Variants in CLCN5 observed in about 807,000 individuals in gnomAD.
The protein encoded by CLCN5 is Cl-/H+ antiporter 5, also known as H(+)/Cl(-) exchange transporter 5.
A neutral mutation model predicts 54.0 loss-of-function variants in CLCN5; 17 were observed. The observed-to-expected ratio is 0.31, with a 90% CI of 0.22 to 0.47. The LOEUF (loss-of-function observed/expected upper bound fraction) is 0.47, where lower values mean the gene tolerates loss of function less well. CLCN5 is among the 20% of genes least tolerant of loss of function. The pLI is 1.00. For synonymous variants in CLCN5, 222 were observed against 233.0 expected (o/e 0.95, Z 0.43); for missense variants, 448 against 646.7 (o/e 0.69, Z 3.33).
intron 3 of CLCN5, among the ~76,000 whole-genome samples, chrX:49,972,016 A>C (rs2147326957): frequency 9.0e-6 from 1 of 111,100 alleles, no homozygotes; most frequent in African/African-American, 3.3e-5. Flanking sequence ...AATTTGCCCA[A>C]AAAAGTACAA....
At position 50,094,137 on chromosome X, in the gene CLCN5, T is replaced by G. The variant is rs1343536639; in HGVS notation, c.*1918T>G. On this transcript the variant is annotated 3_prime_UTR_variant, in exon 15 of 15. Coordinates refer to ENST00000376091, the MANE Select transcript of CLCN5 (RefSeq NM_001127898.4). Reference sequence around the variant, plus strand: ...GTCTTTCCAAAATCTGAAATTCTTTTTTTTGCTCAGAACTGGGTAGCCAAG... The same window carrying G: ...GTCTTTCCAAAATCTGAAATTCTTTGTTTTGCTCAGAACTGGGTAGCCAAG... The G allele has an allele frequency of 1.8e-5, 2 of 112,155 alleles. No homozygotes were observed. The highest frequency in any genetic ancestry group is 6.5e-5 in the African/African-American group (2 of 30,874). 9.2% of individuals were successfully genotyped at this position (112,155 alleles called of 1,213,427 possible). A position where few individuals can be genotyped will look rare whatever the true frequency, so the allele number is the denominator to read the frequency against.
At chrX:50,046,095 G>A (rs1386825178) in intron 4 of CLCN5, among the ~76,000 whole-genome samples, 4 of 112,341 alleles carry the variant, frequency 3.6e-5, no homozygotes, top group Non-Finnish European at 7.5e-5. Flanking sequence ...CTGAGGTAGT[G>A]TTATAGTAGT....
At position 50,027,751 on chromosome X, in the gene CLCN5, T is replaced by C. The variant is rs1931488450; in HGVS notation, c.17-14565T>C. ...TTTTTTTTTTTTTTGTCCTTTAGTA[T>C]ACCTTGTATTTTTTTGTTGAAAGCT... On this transcript the variant is annotated intron_variant, in intron 3 of 14. Transcript: ENST00000376091. Among the ~76,000 whole-genome samples, 2 of 108,575 alleles carry C rather than the reference T, an allele frequency of 1.8e-5. 1 individual carries two copies. The highest frequency in any genetic ancestry group is 6.8e-5 in the African/African-American group (2 of 29,425). The allele number at this position is 108,575 out of a possible 115,157, so 94.3% of individuals were successfully genotyped here. A position where few individuals can be genotyped will look rare whatever the true frequency, so the allele number is the denominator to read the frequency against.
At chrX:50,034,257 G>T (rs1341242219) in intron 3 of CLCN5, among the ~76,000 whole-genome samples, 2 of 112,306 alleles carry the variant, frequency 1.8e-5, no homozygotes, top group African/African-American at 6.5e-5. Flanking sequence ...TCCTTGAGTA[G>T]CTCAAAGTAT....
At chrX:49,925,728 A>C (rs1557167925) in intron 3 of CLCN5, among the ~76,000 whole-genome samples, 1 of 112,100 alleles carries the variant, frequency 8.9e-6, no homozygotes, top group Non-Finnish European at 1.9e-5. Context: ...TCCCAATAAA[A>C]ACTTTGTGAT....
chrX:50,034,258 C>G (rs1931882190), intron 3 of CLCN5, among the ~76,000 whole-genome samples: 1 of 112,286 alleles, frequency 8.9e-6, no homozygotes, highest in Non-Finnish European at 1.9e-5. Flanking sequence ...CCTTGAGTAG[C>G]TCAAAGTATA....
chrX:50,002,689 G>C (rs112258907), intron 3 of CLCN5, among the ~76,000 whole-genome samples: 26 of 107,945 alleles, frequency 2.4e-4, no homozygotes, highest in Admixed American at 5.0e-4. Flanking sequence ...CTCTGTGTGT[G>C]TGTGTGTGTG....
At chrX:49,946,984 A>G (rs1387372986) in intron 3 of CLCN5, among the ~76,000 whole-genome samples, 3 of 109,485 alleles carry the variant, frequency 2.7e-5, no homozygotes, top group South Asian at 8.2e-4. Flanking sequence ...ATGTGCCACC[A>G]TGTGATTTTG....
chrX:49,970,023 T>G (rs782606483), intron 3 of CLCN5, among the ~76,000 whole-genome samples: 2 of 111,590 alleles, frequency 1.8e-5, no homozygotes, highest in East Asian at 5.6e-4. Flanking sequence ...ATGGTAACAG[T>G]CTTTGGTCTA....
chrX:49,993,179 C>G (rs1929347928), intron 3 of CLCN5, among the ~76,000 whole-genome samples: 1 of 111,567 alleles, frequency 9.0e-6, no homozygotes. Flanking sequence ...CCTTCTCCAC[C>G]ACCAAGGTCA....
intron 3 of CLCN5, among the ~76,000 whole-genome samples, chrX:49,975,309 T>C (rs1234210319): frequency 9.0e-6 from 1 of 111,567 alleles, no homozygotes; most frequent in African/African-American, 3.3e-5. Context: ...CTGAGGCTAG[T>C]AGAAAGAAAA....
intron 4 of CLCN5, among the ~76,000 whole-genome samples, chrX:50,052,322 C>T (rs935970541): frequency 1.1e-4 from 12 of 111,923 alleles, no homozygotes; most frequent in Non-Finnish European, 2.1e-4. Context: ...TATTGTTATG[C>T]TAGATTACAT....
chrX:50,050,324 AT>A (rs1482922840), intron 4 of CLCN5: 1 of 111,983 alleles, frequency 8.9e-6, no homozygotes, highest in Admixed American at 9.4e-5. Context: ...TGGCTATACC[AT>A]TTTGCATTCC....
At chrX:49,992,369 A>G (rs1160010453) in intron 3 of CLCN5, among the ~76,000 whole-genome samples, 1 of 109,860 alleles carries the variant, frequency 9.1e-6, no homozygotes, top group African/African-American at 3.3e-5. Context: ...CAACTCTCAT[A>G]AAGTACCCAT....
chrX:49,929,615 G>A (rs782548642), intron 3 of CLCN5, among the ~76,000 whole-genome samples: 1 of 111,216 alleles, frequency 9.0e-6, no homozygotes, highest in Admixed American at 9.6e-5. Flanking sequence ...AATTTAGAAG[G>A]GTTAATATAA....
At chrX:49,952,775 T>G (rs1309873764) in intron 3 of CLCN5, among the ~76,000 whole-genome samples, 6 of 112,087 alleles carry the variant, frequency 5.4e-5, no homozygotes, top group African/African-American at 1.9e-4. Flanking sequence ...TAACCAGTTT[T>G]AAAAATTAGA....
chrX:49,928,703 A>T (rs978678308), intron 3 of CLCN5, among the ~76,000 whole-genome samples: 10 of 111,625 alleles, frequency 9.0e-5, no homozygotes, highest in Non-Finnish European at 1.7e-4. Context: ...AGGCGGGCGG[A>T]TCACGAGGTC....
chrX:49,958,424 T>G (rs1927438176), intron 3 of CLCN5, among the ~76,000 whole-genome samples: 1 of 111,806 alleles, frequency 8.9e-6, no homozygotes, highest in Non-Finnish European at 1.9e-5. Context: ...CTTCAGTGAC[T>G]TACTGAAACT....
At chrX:50,081,909 G>T in intron 9 of CLCN5, 62 bp downstream of exon 9, 1 of 1,023,684 alleles carries the variant, frequency 9.8e-7, no homozygotes. Context: ...ACAATCTTAG[G>T]GGGTGAGAAT....
Sources: gnomAD v4.1 joint callset for allele counts (sites outside exome capture counted in the v4.1 genomes callset) on GRCh38, gnomAD v4.1.1 for gene constraint, MANE v1.5 for transcripts, NCBI Gene and HGNC (gene_info 2026-07-23, HGNC 2026-07-21) for gene names.